SPMAP2L: variants seen among roughly 807,000 people sequenced by gnomAD.
The protein encoded by SPMAP2L is sperm microtubule associated protein 2-like.
chr4:56,615,430 C>T, the SPMAP2L span, among the ~76,000 whole-genome samples: 1 of 152,164 alleles, frequency 6.6e-6, no homozygotes, highest in African/African-American at 2.4e-5. Flanking sequence ...CTGCACCTTA[C>T]AGTCAACAGA....
chr4:56,537,786 G>A, the SPMAP2L span, among the ~76,000 whole-genome samples: 26,957 of 151,540 alleles, frequency 0.18, 2,618 homozygotes, highest in Admixed American at 0.28. Flanking sequence ...TCCACCTCCC[G>A]GGTTCACGCC....
chr4:56,607,060 G>A, the SPMAP2L span, among the ~76,000 whole-genome samples: 1 of 152,132 alleles, frequency 6.6e-6, no homozygotes, highest in Non-Finnish European at 1.5e-5. Flanking sequence ...ATAACTTCTG[G>A]ATTTCTAGGT....
At chr4:56,532,296 A>G in the SPMAP2L span, among the ~76,000 whole-genome samples, 1 of 151,954 alleles carries the variant, frequency 6.6e-6, no homozygotes, top group Admixed American at 6.6e-5. Context: ...ATTTTCTTAC[A>G]ATGGATCTAT....
At chr4:56,578,558 A>C in the SPMAP2L span, among the ~76,000 whole-genome samples, 3 of 152,158 alleles carry the variant, frequency 2.0e-5, no homozygotes, top group Admixed American at 2.0e-4. Context: ...AGACAGGATA[A>C]AAAATGGATA....
chr4:56,606,391 T>G, the SPMAP2L span, among the ~76,000 whole-genome samples: 228 of 152,298 alleles, frequency 1.5e-3, no homozygotes, highest in African/African-American at 5.3e-3. Flanking sequence ...GGTATGGATA[T>G]GTAACCCAAG....
chr4:56,596,451 G>C, the SPMAP2L span: 5 of 1,451,176 alleles, frequency 3.4e-6, no homozygotes, highest in Non-Finnish European at 3.6e-6. Flanking sequence ...GAACTAAATA[G>C]TGTTTATTAC....
the SPMAP2L span, among the ~76,000 whole-genome samples, chr4:56,611,472 C>T: frequency 6.6e-6 from 1 of 152,138 alleles, no homozygotes; most frequent in East Asian, 1.9e-4. Context: ...AAATCAGGTT[C>T]AGTGTATACT....
At chr4:56,612,341 A>ATTTCTTTTTTTC in the SPMAP2L span, among the ~76,000 whole-genome samples, 1 of 152,064 alleles carries the variant, frequency 6.6e-6, no homozygotes, top group South Asian at 2.1e-4. Flanking sequence ...TTACCCAAAC[A>ATTTCTTTTTTTC]TTTCTTTTTT....
chr4:56,561,818 G>T, the SPMAP2L span, among the ~76,000 whole-genome samples: 1 of 152,200 alleles, frequency 6.6e-6, no homozygotes, highest in Non-Finnish European at 1.5e-5. Context: ...TCCACCTCCG[G>T]GTTCAAGCGA....
At chr4:56,622,051 G>A in the SPMAP2L span, among the ~76,000 whole-genome samples, 2 of 152,266 alleles carry the variant, frequency 1.3e-5, no homozygotes, top group East Asian at 3.9e-4. Context: ...CCACACTAAT[G>A]CAAGATGTTA....
chr4:56,602,375 G>A, the SPMAP2L span, among the ~76,000 whole-genome samples: 5 of 152,172 alleles, frequency 3.3e-5, no homozygotes, highest in Admixed American at 6.5e-5. Context: ...GCCATCAGAT[G>A]AAATGAAGCT....
the SPMAP2L span, among the ~76,000 whole-genome samples, chr4:56,612,357 CT>C: frequency 6.6e-6 from 1 of 151,586 alleles, no homozygotes; most frequent in Non-Finnish European, 1.5e-5. Flanking sequence ...TTTTTTCTTT[CT>C]TTTTTTTCTT....
chr4:56,564,652 T>C, the SPMAP2L span, among the ~76,000 whole-genome samples: 5 of 152,178 alleles, frequency 3.3e-5, no homozygotes, highest in African/African-American at 1.2e-4. Context: ...TTTTACTGCT[T>C]TTTATTTCAT....
the SPMAP2L span, among the ~76,000 whole-genome samples, chr4:56,571,831 C>T: frequency 1.3e-5 from 2 of 151,990 alleles, no homozygotes; most frequent in East Asian, 1.9e-4. Context: ...GGTGACAGAG[C>T]GGGACCTGAC....
At chr4:56,596,761 A>G in the SPMAP2L span, 27 of 1,020,544 alleles carry the variant, frequency 2.6e-5, no homozygotes, top group Non-Finnish European at 3.4e-5. Flanking sequence ...TGTGGCAGGA[A>G]GAGAGACTAG....
chr4:56,559,632 ATC>A, the SPMAP2L span: 1 of 1,139,084 alleles, frequency 8.8e-7, no homozygotes, highest in South Asian at 2.6e-5. Context: ...CAATGGCATG[ATC>A]TTGGCTCACT....
chr4:56,589,969 A>T, the SPMAP2L span, among the ~76,000 whole-genome samples: 2 of 152,174 alleles, frequency 1.3e-5, no homozygotes, highest in East Asian at 3.8e-4. Flanking sequence ...AAACAGTAAC[A>T]GTTTGACTTC....
At chr4:56,591,444 G>C in the SPMAP2L span, among the ~76,000 whole-genome samples, 1 of 152,172 alleles carries the variant, frequency 6.6e-6, no homozygotes, top group Non-Finnish European at 1.5e-5. Flanking sequence ...GTGAAACACT[G>C]TCAGTGTTAG....
the SPMAP2L span, among the ~76,000 whole-genome samples, chr4:56,608,668 G>A: frequency 6.6e-6 from 1 of 152,178 alleles, no homozygotes; most frequent in African/African-American, 2.4e-5. Flanking sequence ...GTACAATATA[G>A]TTGGCAGAGA....
Sources: gnomAD v4.1 joint callset for allele counts (sites outside exome capture counted in the v4.1 genomes callset) on GRCh38, gnomAD v4.1.1 for gene constraint, MANE v1.5 for transcripts, NCBI Gene and HGNC (gene_info 2026-07-23, HGNC 2026-07-21) for gene names.